Variants in KLF17 observed in about 807,000 individuals in gnomAD.
KLF17 encodes Krueppel-like factor 17.
In KLF17, 31 loss-of-function variants were observed where a neutral mutation model predicts 34.2. That is an observed-to-expected ratio of 0.91 (90% CI 0.68 to 1.22). The LOEUF is 1.22. Among genes scored for constraint, KLF17 ranks in the 50% most tolerant of loss-of-function variants. The probability of loss-of-function intolerance (pLI) is 0.00; values close to 1 mark genes in which losing one functional copy is unlikely to be tolerated. For synonymous variants in KLF17, 179 were observed against 186.7 expected, an observed-to-expected ratio of 0.96 and a Z score of 0.34; for missense variants, 478 against 505.2, an observed-to-expected ratio of 0.95 and a Z score of 0.52.
At chr1:44,100,079 T>TACACACACAC in the KLF17 span, among the ~76,000 whole-genome samples, 2,219 of 138,586 alleles carry the variant, frequency 0.016, 24 homozygotes, top group African/African-American at 0.033. Context: ...CTACTAAAAA[T>TACACACACAC]ACACACACAC....
the KLF17 span, among the ~76,000 whole-genome samples, chr1:44,102,537 G>T: frequency 7.1e-6 from 1 of 140,620 alleles, no homozygotes; most frequent in Non-Finnish European, 1.5e-5. Context: ...TGGGCAACAA[G>T]AGCAAAACTC....
chr1:44,104,173 C>T, the KLF17 span: 6 of 1,059,516 alleles, frequency 5.7e-6, no homozygotes, highest in Admixed American at 3.4e-5. Context: ...TAAGCTTCAT[C>T]CACATCCTTC....
chr1:44,062,563 T>TA, the KLF17 span, among the ~76,000 whole-genome samples: 1,342 of 147,146 alleles, frequency 9.1e-3, 9 homozygotes, highest in Non-Finnish European at 0.016. Context: ...ATTAATTAAT[T>TA]AAAAAAAAAA....
chr1:44,085,586 A>T, the KLF17 span, among the ~76,000 whole-genome samples: 1 of 152,188 alleles, frequency 6.6e-6, no homozygotes, highest in South Asian at 2.1e-4. Context: ...TGGGCCCAGG[A>T]GTTCAAGACT....
the KLF17 span, chr1:44,050,916 TA>T: frequency 0.2 from 30,458 of 149,158 alleles, 4,157 homozygotes; most frequent in African/African-American, 0.39. Context: ...GACTCCGTCT[TA>T]AAAAAAAAAA....
the KLF17 span, among the ~76,000 whole-genome samples, chr1:44,080,248 T>C: frequency 1.4e-5 from 2 of 146,100 alleles, no homozygotes; most frequent in Non-Finnish European, 3.0e-5. Flanking sequence ...TTTTTTTTTT[T>C]TTTTTTTTGA....
the KLF17 span, among the ~76,000 whole-genome samples, chr1:44,086,334 C>G: frequency 1.3e-5 from 2 of 152,168 alleles, no homozygotes; most frequent in Admixed American, 6.5e-5. Flanking sequence ...GGCGTGGTGG[C>G]GCATGCCTGT....
chr1:44,096,416 TG>T, the KLF17 span, among the ~76,000 whole-genome samples: 1 of 150,700 alleles, frequency 6.6e-6, no homozygotes, highest in African/African-American at 2.4e-5. Context: ...TTTTTTTTTT[TG>T]AGAGGGAGTC....
chr1:44,070,528 G>A, the KLF17 span, among the ~76,000 whole-genome samples: 4 of 146,426 alleles, frequency 2.7e-5, no homozygotes, highest in South Asian at 2.1e-4. Flanking sequence ...ACATGATTTC[G>A]TTATTTTTTA....
At chr1:44,109,710 C>T in the KLF17 span, among the ~76,000 whole-genome samples, 1 of 152,246 alleles carries the variant, frequency 6.6e-6, no homozygotes, top group African/African-American at 2.4e-5. Flanking sequence ...CACCCTTCTT[C>T]CAACTTTATC....
upstream of KLF17, chr1:44,117,474 A>C (rs2087892536): frequency 7.3e-6 from 1 of 136,772 alleles, no homozygotes. Flanking sequence ...TATTTATTTT[A>C]TTTTATTTTA....
the KLF17 span, among the ~76,000 whole-genome samples, chr1:44,095,147 C>T: frequency 0.32 from 48,689 of 150,320 alleles, 8,064 homozygotes; most frequent in South Asian, 0.38. Flanking sequence ...ATGATCCGCC[C>T]GCCTCGGCCT....
At chr1:44,090,371 GA>G in the KLF17 span, among the ~76,000 whole-genome samples, 1 of 100,040 alleles carries the variant, frequency 1.0e-5, no homozygotes, top group Non-Finnish European at 2.1e-5. Context: ...TCTTGATACA[GA>G]AAAAAATAAT....
chr1:44,129,235 G>A (rs759696656), intron 1 of KLF17, 118 bp from the exon 2 acceptor site: 55 of 1,245,998 alleles, frequency 4.4e-5, no homozygotes, highest in Non-Finnish European at 5.7e-5. Flanking sequence ...CTGGAGGCAG[G>A]ATAATTCAAG....
At chr1:44,092,031 T>G in the KLF17 span, among the ~76,000 whole-genome samples, 1 of 106,454 alleles carries the variant, frequency 9.4e-6, no homozygotes, top group Non-Finnish European at 2.0e-5. Context: ...AACTACTGCA[T>G]TAAAAAAAAA....
chr1:44,085,807 C>CAAAAAAAAAAA, the KLF17 span, among the ~76,000 whole-genome samples: 1 of 63,620 alleles, frequency 1.6e-5, no homozygotes, highest in African/African-American at 6.4e-5. Context: ...TCTGTCTCAA[C>CAAAAAAAAAAA]AAAAAAAAAA....
chr1:44,060,060 AC>A, the KLF17 span, among the ~76,000 whole-genome samples: 39 of 151,532 alleles, frequency 2.6e-4, no homozygotes, highest in African/African-American at 9.2e-4. Flanking sequence ...CTGTTTGTGT[AC>A]CCCCCCAGGC....
chr1:44,080,528 G>A, the KLF17 span, among the ~76,000 whole-genome samples: 1 of 152,096 alleles, frequency 6.6e-6, no homozygotes, highest in Non-Finnish European at 1.5e-5. Context: ...GTGAGCCACA[G>A]CACCAGGCTC....
the KLF17 span, chr1:44,047,916 C>T: frequency 5.3e-5 from 8 of 151,572 alleles, no homozygotes; most frequent in Non-Finnish European, 8.8e-5. Flanking sequence ...TGGATGTGGC[C>T]AATAAAGGTG....
Sources: allele counts gnomAD v4.1 joint callset (sites outside exome capture counted in the v4.1 genomes callset), GRCh38; gene constraint gnomAD v4.1.1; transcripts MANE v1.5; gene names NCBI Gene and HGNC (gene_info 2026-07-23, HGNC 2026-07-21).